Variants in CD46 observed in about 807,000 individuals in gnomAD.
CD46 encodes CD46 molecule.
Under a neutral mutation model 53.3 loss-of-function variants are expected in CD46, and 30 were observed. The ratio of observed to expected loss-of-function variants is 0.56; its 90% CI spans 0.42 to 0.76. The LOEUF is 0.76. Among genes scored for constraint, CD46 ranks in the 30% least tolerant of loss-of-function variants. The pLI, the probability that CD46 is intolerant of heterozygous loss-of-function variation, is 0.00. For synonymous variants in CD46, 142 were observed against 152.0 expected (o/e 0.93, Z 0.48); for missense variants, 409 against 463.0 (o/e 0.88, Z 1.07).
At position 207,771,656 on chromosome 1, in the gene CD46, C is replaced by A. The variant is rs529469125; in HGVS notation, c.943+1294C>A. 7.2e-4 allele frequency among the ~76,000 whole-genome samples: 110 copies of A among 152,294 alleles called. 1 individual carries two copies. The South Asian group carries it at 0.022, about 30-fold the overall frequency. ...CAGCACCGTTTATTAAATAGGGAAT[C>A]CCTTCCCCATTTCTTGTTTTTGTCA... On this transcript the variant is annotated intron_variant, in intron 8 of 12. Coordinates refer to ENST00000367042, the MANE Select transcript of CD46 (RefSeq NM_172351.3).
chr1:207,789,567 A>G (rs1659592306), intron 11 of CD46, among the ~76,000 whole-genome samples: 1 of 152,224 alleles, frequency 6.6e-6, no homozygotes, highest in South Asian at 2.1e-4. Flanking sequence ...ATGAGACGCC[A>G]TGTAATACAA....
rs1045684595 is a variant in CD46 at position 207,793,436 on chromosome 1, A to G, written c.*42-83A>G. The G allele has an allele frequency of 7.6e-6, 8 of 1,047,388 alleles. No individual in the cohort carries two copies. In the Admixed American group the frequency reaches 9.2e-5, roughly 12 times the overall value. 64.9% of individuals were successfully genotyped at this position (1,047,388 alleles called of 1,614,324 possible). A position where few individuals can be genotyped will look rare whatever the true frequency, so the allele number is the denominator to read the frequency against. On this transcript the variant is annotated intron_variant, in intron 12 of 12. Coordinates refer to ENST00000367042, the MANE Select transcript of CD46 (RefSeq NM_172351.3). ...CATTACTATATTTTTTTAATTGTTC[A>G]TTTTCTGAATAGGCTTCTGGAATTT...
rs561878582 is a variant in CD46 at position 207,775,052 on chromosome 1, G to C, written c.943+4690G>C. On this transcript the variant is annotated intron_variant, in intron 8 of 12. Coordinates refer to ENST00000367042, the MANE Select transcript of CD46 (RefSeq NM_172351.3). ...AACGTAGATTTGGTGTTTTCACATAGTCCCATATTTCTTGGAGGCTTTGTT... is the reference window on the plus strand; with the variant it reads ...AACGTAGATTTGGTGTTTTCACATACTCCCATATTTCTTGGAGGCTTTGTT... Among the ~76,000 whole-genome samples, 29 of 152,204 alleles carry C rather than the reference G, an allele frequency of 1.9e-4. No individual in the cohort carries two copies. In the South Asian group the frequency reaches 4.8e-3, roughly 25 times the overall value.
At position 207,761,402 on chromosome 1, in the gene CD46, G is replaced by T; in HGVS notation, c.629G>T (p.Cys210Phe). ...FSLIGESTIY[C>F]GDNSVWSRAA... ...CTTATTGGAGAGAGCACGATTTATT[G>T]TGGTGACAATTCAGTGTGGAGTCGT... Residue 210 changes from cysteine (C) to phenylalanine (F), a missense_variant, in exon 5 of 13, where the codon TGT (cysteine) becomes TTT (phenylalanine). By Grantham distance (205) the Cys-to-Phe change is radical. Transcript: ENST00000367042. The T allele has an allele frequency of 6.2e-7, 1 of 1,614,110 alleles. No individual in the cohort carries two copies. The highest frequency in any genetic ancestry group is 8.5e-7 in the Non-Finnish European group (1 of 1,179,988).
intron 8 of CD46, among the ~76,000 whole-genome samples, chr1:207,781,773 T>C (rs1476876808): frequency 6.6e-6 from 1 of 152,238 alleles, no homozygotes; most frequent in Non-Finnish European, 1.5e-5. Flanking sequence ...TTCTATTCCA[T>C]TGGTCTGTAT....
At chr1:207,761,498 T>C in intron 5 of CD46, 52 bp downstream of exon 5, 5 of 1,440,790 alleles carry the variant, frequency 3.5e-6, no homozygotes, top group Non-Finnish European at 2.9e-6. Context: ...TGGAAACATT[T>C]TGTAAATAGT....
At chr1:207,783,167 A>G (rs1424154332) in intron 8 of CD46, 125 bp from the exon 9 acceptor site, 6 of 539,308 alleles carry the variant, frequency 1.1e-5, no homozygotes, top group Middle Eastern at 5.0e-4. Context: ...AAGGAAAATT[A>G]TATTTTAAGG....
chr1:207,757,786 T>G (rs1655731992), intron 3 of CD46, 144 bp downstream of exon 3: 2 of 680,786 alleles, frequency 2.9e-6, no homozygotes, highest in Admixed American at 4.2e-5. Context: ...GGATGTTTTA[T>G]GGAGATAGGC....
At chr1:207,761,718 C>CAAAA (rs5780403) in intron 5 of CD46, among the ~76,000 whole-genome samples, 5 of 147,048 alleles carry the variant, frequency 3.4e-5, no homozygotes, top group Non-Finnish European at 6.0e-5. Flanking sequence ...TTGAAAGAAC[C>CAAAA]AAAAAAAAAA....
intron 11 of CD46, among the ~76,000 whole-genome samples, chr1:207,786,909 C>G (rs562266037): frequency 1.9e-3 from 283 of 152,236 alleles, no homozygotes; most frequent in Non-Finnish European, 3.4e-3. Context: ...TTTTACAAAT[C>G]CATAAGGTTT....
At chr1:207,787,903 C>T (rs1177564863) in intron 11 of CD46, among the ~76,000 whole-genome samples, 1 of 152,112 alleles carries the variant, frequency 6.6e-6, no homozygotes, top group Non-Finnish European at 1.5e-5. Context: ...TTAATGTGCA[C>T]ATTAGTCACC....
rs938441509 is a variant in CD46, at chr1:207,752,684, G to A, written c.97+375G>A. Among the ~76,000 whole-genome samples, 4 of 152,182 alleles carry A rather than the reference G, an allele frequency of 2.6e-5. No individual in the cohort carries two copies. Among genetic ancestry groups the A allele is most frequent in the Non-Finnish European group, 5.9e-5 (4 of 68,018 alleles). ...GGAGTGTTGCTAGGGCCCGTGCTGT[G>A]TCCGTGGTGAGAGTTTGCCCTGTGT... On this transcript the variant is annotated intron_variant, in intron 1 of 12. Transcript: ENST00000367042. The surrounding 1 kb of genome is among the most constrained non-coding windows in gnomAD (Gnocchi z 4.1).
chr1:207,761,129 A>G (rs1239221730), intron 4 of CD46, 120 bp from the exon 5 acceptor site: 5 of 645,736 alleles, frequency 7.7e-6, no homozygotes, highest in Non-Finnish European at 1.4e-5. Flanking sequence ...TTAAATCCAT[A>G]TTGAATTCAC....
intron 5 of CD46, chr1:207,762,516 C>CAG (rs1374086593): frequency 1.3e-5 from 2 of 152,080 alleles, no homozygotes; most frequent in Non-Finnish European, 2.9e-5. Context: ...AACCTGTAGC[C>CAG]AGACTGACAA....
Position 207,767,025 on chromosome 1 carries a change from G to A in CD46, c.686G>A (p.Arg229Gln), listed in dbSNP as rs201380032. The A allele has an allele frequency of 8.2e-5, 132 of 1,613,150 alleles. No homozygotes were observed. The highest frequency in any genetic ancestry group is 1.6e-4 in the Middle Eastern group (1 of 6,080). ...AAPECKVVKC[R>Q]FPVVENGKQI... ...TCTAATTTTCCAGTGGTCAAATGTC[G>A]ATTTCCAGTAGTCGAAAATGGAAAA... The change falls in exon 6 of 13, where the codon CGA becomes CAA. Residue 229 changes from arginine (R) to glutamine (Q), a missense_variant. By Grantham distance (43) the Arg-to-Gln change is conservative. Transcript: ENST00000367042.
At chr1:207,778,514 T>G (rs1658360555) in intron 8 of CD46, among the ~76,000 whole-genome samples, 2 of 152,222 alleles carry the variant, frequency 1.3e-5, no homozygotes, top group South Asian at 4.1e-4. Context: ...GGCTAGCCAG[T>G]TATCCCAGCA....
chr1:207,764,884 A>G (rs1656668533), intron 5 of CD46, among the ~76,000 whole-genome samples: 1 of 152,212 alleles, frequency 6.6e-6, no homozygotes, highest in African/African-American at 2.4e-5. Context: ...AATAAATCAC[A>G]GCAATTCTAC....
intron 11 of CD46, chr1:207,786,023 G>T: frequency 4.6e-6 from 1 of 219,294 alleles, no homozygotes; most frequent in East Asian, 1.1e-4. Flanking sequence ...TTGCACTAAT[G>T]GCCAAAATTA....
In CD46 at chr1:207,767,126, G is replaced by C. The variant is rs143544996; in HGVS notation, c.787G>C (p.Asp263His). Residue 263 changes from aspartate to histidine, a missense_variant, in exon 6 of 13, where the codon GAT becomes CAT. Transcript: ENST00000367042. ...MFECDKGFYL[D>H]GSDTIVCDSN... Reference sequence around the variant, plus strand: ...TGAATGCGATAAGGGTTTTTACCTCGATGGCAGCGACACAATTGTCTGTGA... The same window carrying C: ...TGAATGCGATAAGGGTTTTTACCTCCATGGCAGCGACACAATTGTCTGTGA... 7.4e-6 allele frequency: 12 copies of C among 1,613,780 alleles called. No homozygotes were observed. Among genetic ancestry groups the C allele is most frequent in the Non-Finnish European group, 1.0e-5 (12 of 1,179,792 alleles).
Sources: gnomAD v4.1 joint callset for allele counts (sites outside exome capture counted in the v4.1 genomes callset) on GRCh38, gnomAD v4.1.1 for gene constraint, Gnocchi (gnomAD v3.1) non-coding constraint, MANE v1.5 for transcripts, NCBI Gene and HGNC (gene_info 2026-07-23, HGNC 2026-07-21) for gene names.